The following HVCN1 variants were observed in gnomAD, a reference collection of about 807,000 sequenced individuals.
The protein encoded by HVCN1 is hydrogen voltage gated channel 1.
In HVCN1, 14 loss-of-function variants were observed where a neutral mutation model predicts 29.2. The ratio of observed to expected loss-of-function variants is 0.48; its 90% CI spans 0.32 to 0.75. The LOEUF is 0.75. Among genes scored for constraint, HVCN1 ranks in the 30% least tolerant of loss-of-function variants. The pLI, the probability that HVCN1 is intolerant of heterozygous loss-of-function variation, is 0.04. For missense variants in HVCN1, 263 were observed against 341.8 expected (o/e 0.77, Z 1.82); for synonymous variants, 131 against 133.2 (o/e 0.98, Z 0.11).
At chr12:110,681,428 G>A (rs1453071288) in intron 3 of HVCN1, among the ~76,000 whole-genome samples, 1 of 152,152 alleles carries the variant, frequency 6.6e-6, no homozygotes, top group Non-Finnish European at 1.5e-5. Flanking sequence ...CCAGTCCCCC[G>A]TGATATGTAT....
chr12:110,671,894 C>T (rs1439424955), intron 3 of HVCN1, among the ~76,000 whole-genome samples: 2 of 152,140 alleles, frequency 1.3e-5, no homozygotes, highest in African/African-American at 4.8e-5. Flanking sequence ...AAACTGAGGC[C>T]TGGGGAGGCG....
intron 4 of HVCN1, among the ~76,000 whole-genome samples, chr12:110,659,215 C>A (rs970125168): frequency 6.6e-6 from 1 of 151,420 alleles, no homozygotes; most frequent in Admixed American, 6.6e-5. Context: ...TTTTTTTTCT[C>A]TTTTACCCTG....
intron 4 of HVCN1, among the ~76,000 whole-genome samples, chr12:110,656,451 GA>G (rs2067993796): frequency 6.6e-6 from 1 of 152,172 alleles, no homozygotes; most frequent in South Asian, 2.1e-4. Flanking sequence ...CGAGGGCACT[GA>G]TGGCAGGGTG....
intron 4 of HVCN1, 38 bp from the exon 5 acceptor site, chr12:110,655,376 C>A: frequency 6.9e-7 from 1 of 1,440,392 alleles, no homozygotes. Flanking sequence ...TCATGAGACC[C>A]CCACAGAGGC....
At chr12:110,663,717 C>T (rs1279621043) in intron 3 of HVCN1, among the ~76,000 whole-genome samples, 39 of 151,578 alleles carry the variant, frequency 2.6e-4, no homozygotes, top group East Asian at 1.9e-4. Context: ...GAATTAACTG[C>T]GTCTCAGTAT....
At chr12:110,650,769 T>G (rs980140178) in intron 6 of HVCN1, among the ~76,000 whole-genome samples, 9 of 151,854 alleles carry the variant, frequency 5.9e-5, no homozygotes, top group Admixed American at 5.3e-4. Flanking sequence ...TCTTGGCTTA[T>G]TGCAGCCTCC....
chr12:110,690,265 C>T (rs2069373887), upstream of HVCN1, among the ~76,000 whole-genome samples: 1 of 152,186 alleles, frequency 6.6e-6, no homozygotes, highest in African/African-American at 2.4e-5. Context: ...ATATGGGATC[C>T]ACCTGGATAA....
intron 6 of HVCN1, among the ~76,000 whole-genome samples, chr12:110,650,838 T>G (rs2067780455): frequency 6.6e-6 from 1 of 151,750 alleles, no homozygotes; most frequent in African/African-American, 2.4e-5. Context: ...GGACTACATG[T>G]GTGCACCACC....
chr12:110,664,036 A>G (rs913573511), intron 3 of HVCN1, among the ~76,000 whole-genome samples: 7 of 151,908 alleles, frequency 4.6e-5, no homozygotes, highest in East Asian at 1.9e-4. Context: ...TCCTGCCTCA[A>G]CCTCCCGGGT....
At chr12:110,690,191 G>A (rs972923679), upstream of HVCN1, among the ~76,000 whole-genome samples, 1 of 152,188 alleles carries the variant, frequency 6.6e-6, no homozygotes, top group African/African-American at 2.4e-5. Context: ...ATCCTTGGCT[G>A]TCTCAATCCG....
At chr12:110,686,848 A>G (rs1038930776) in intron 2 of HVCN1, among the ~76,000 whole-genome samples, 1 of 152,214 alleles carries the variant, frequency 6.6e-6, no homozygotes, top group Non-Finnish European at 1.5e-5. Flanking sequence ...AGGAAACTGT[A>G]TCTCCAAGAA....
intron 3 of HVCN1, among the ~76,000 whole-genome samples, chr12:110,672,106 A>C (rs745727953): frequency 2.0e-5 from 3 of 152,028 alleles, no homozygotes; most frequent in Non-Finnish European, 4.4e-5. Context: ...AAAGGAGGGG[A>C]TTGGCCCTAA....
At chr12:110,668,366 G>A (rs536792482) in intron 3 of HVCN1, among the ~76,000 whole-genome samples, 9 of 152,226 alleles carry the variant, frequency 5.9e-5, no homozygotes, top group South Asian at 2.1e-4. Flanking sequence ...ATAGCCAGGC[G>A]TGGTGGTGGG....
At chr12:110,687,004 G>A (rs118156615) in intron 2 of HVCN1, among the ~76,000 whole-genome samples, 2,885 of 152,290 alleles carry the variant, frequency 0.019, 42 homozygotes, top group Non-Finnish European at 0.029. Flanking sequence ...TCTTGGGAGG[G>A]ATAATTCTGA....
upstream of HVCN1, among the ~76,000 whole-genome samples, chr12:110,694,604 A>G (rs899851127): frequency 6.6e-6 from 1 of 152,250 alleles, no homozygotes; most frequent in African/African-American, 2.4e-5. The surrounding 1 kb of genome is among the most constrained non-coding windows in gnomAD (Gnocchi z 4.6). Context: ...GAAAATGGAC[A>G]GAGGGAGAGA....
intron 3 of HVCN1, among the ~76,000 whole-genome samples, chr12:110,674,430 G>A (rs1211532284): frequency 2.0e-5 from 3 of 152,192 alleles, no homozygotes; most frequent in South Asian, 2.1e-4. Flanking sequence ...TTGGGGGACT[G>A]TTGGGAAGGC....
intron 3 of HVCN1, among the ~76,000 whole-genome samples, chr12:110,674,886 G>A (rs904261421): frequency 6.6e-6 from 1 of 152,168 alleles, no homozygotes; most frequent in African/African-American, 2.4e-5. Context: ...GATCCAGCCT[G>A]CAGGGAGTTA....
chr12:110,662,253 C>CCA (rs2068202552), intron 3 of HVCN1, among the ~76,000 whole-genome samples: 1 of 152,106 alleles, frequency 6.6e-6, no homozygotes, highest in Non-Finnish European at 1.5e-5. Context: ...AATCCATTCC[C>CCA]CACCTTGCCC....
chr12:110,704,152 T>C (rs1350605868), intron 1 of HVCN1, among the ~76,000 whole-genome samples: 1 of 152,132 alleles, frequency 6.6e-6, no homozygotes, highest in African/African-American at 2.4e-5. Flanking sequence ...GCATGATTTA[T>C]AGTAGCAAAC....
Sources: gnomAD v4.1 joint callset for allele counts (sites outside exome capture counted in the v4.1 genomes callset) on GRCh38, gnomAD v4.1.1 for gene constraint, Gnocchi (gnomAD v3.1) non-coding constraint, MANE v1.5 for transcripts, NCBI Gene and HGNC (gene_info 2026-07-23, HGNC 2026-07-21) for gene names.